FKBP5: variants seen among roughly 807,000 people sequenced by gnomAD.
FKBP5 encodes the protein peptidyl-prolyl cis-trans isomerase FKBP5.
FKBP5 carries 23 observed loss-of-function variants against 50.5 expected under a neutral mutation model. The ratio of observed to expected loss-of-function variants is 0.46; its 90% CI spans 0.33 to 0.65. The LOEUF is 0.65. FKBP5 is among the 30% of genes least tolerant of loss of function. The pLI is 0.02. For synonymous variants in FKBP5, 176 were observed against 190.6 expected (o/e 0.92, Z 0.63); for missense variants, 411 against 553.1 (o/e 0.74, Z 2.58).
intron 5 of FKBP5, among the ~76,000 whole-genome samples, chr6:35,604,629 T>G (rs1359031986): frequency 6.6e-6 from 1 of 152,102 alleles, no homozygotes; most frequent in East Asian, 1.9e-4. Flanking sequence ...TTTGGTACCT[T>G]TTTGATTTTA....
intron 5 of FKBP5, among the ~76,000 whole-genome samples, chr6:35,618,033 G>A (rs1440458523): frequency 6.6e-6 from 1 of 152,150 alleles, no homozygotes; most frequent in Non-Finnish European, 1.5e-5. Context: ...TAATCTTGAT[G>A]ACAGCTGATG....
chr6:35,637,051 A>C lies in FKBP5; in HGVS notation c.213T>G (p.His71Gln), dbSNP rs576977580. Reference protein sequence around the residue: ...LSNGKKFDSSHDRNEPFVFSL... With the variant: ...LSNGKKFDSSQDRNEPFVFSL... ...TAAAGACAAATGGTTCATTTCTATC[A>C]TGACTGGAATCAAACTTCTTTCCAT... Residue 71 changes from histidine to glutamine, a missense_variant, in exon 3 of 11, where the codon CAT (histidine) becomes CAG (glutamine). Around this residue, in one of 3 missense-constraint regions of FKBP5, gnomAD observed 267 missense variants for 405.9 expected, o/e 0.66. Coordinates refer to ENST00000357266, the MANE Select transcript of FKBP5 (RefSeq NM_004117.4). 1 of 1,608,244 alleles carries C rather than the reference A, an allele frequency of 6.2e-7. No individual in the cohort carries two copies. The highest frequency in any genetic ancestry group is 1.7e-5 in the Admixed American group (1 of 57,864).
At chr6:35,630,792 T>C (rs1176871664) in intron 3 of FKBP5, among the ~76,000 whole-genome samples, 2 of 152,120 alleles carry the variant, frequency 1.3e-5, no homozygotes, top group Non-Finnish European at 2.9e-5. Flanking sequence ...CCAAAAATGG[T>C]TAATAACAGT....
intron 1 of FKBP5, among the ~76,000 whole-genome samples, chr6:35,684,393 G>T (rs1765764474): frequency 1.3e-5 from 2 of 151,974 alleles, no homozygotes; most frequent in Non-Finnish European, 2.9e-5. Context: ...TCCCAGGCTG[G>T]TCTCAAATTC....
rs1762375817 is a variant in FKBP5, at chr6:35,580,075, C to G, written c.987G>C (p.Lys329Asn). 6.2e-7 allele frequency: 1 copy of G among 1,614,208 alleles called. No homozygotes were observed. The highest frequency in any genetic ancestry group is 8.5e-7 in the Non-Finnish European group (1 of 1,180,022). ...AFLNLAMCYL[K>N]LREYTKAVEC... The stretch of plus-strand genomic sequence containing the variant: ...CAACAGCTTTGGTGTATTCTCTAAG[C>G]TTCAGGTAGCACATGGCCAGGTTCA... Residue 329 changes from lysine (K) to asparagine (N), a missense_variant, in exon 9 of 11, where the codon AAG becomes AAC. Physicochemically the swap from Lys to Asn is moderately conservative, Grantham distance 94. Transcript: ENST00000357266.
At chr6:35,728,513 TGGGACGCCTCGGA>T (rs1766773360) in exon 1 of FKBP5, 1 of 152,400 alleles carries the variant, frequency 6.6e-6, no homozygotes, top group African/African-American at 2.4e-5. Context: ...CTCACCCCTC[TGGGACGCCTCGGA>T]AGGTCTTGGC....
intron 5 of FKBP5, among the ~76,000 whole-genome samples, chr6:35,612,598 G>T (rs997720680): frequency 6.6e-6 from 1 of 152,220 alleles, no homozygotes; most frequent in South Asian, 2.1e-4. Flanking sequence ...AAGAAAAGAG[G>T]TTTAATTGAC....
At chr6:35,689,725 TAC>T (rs1205225386), upstream of FKBP5, among the ~76,000 whole-genome samples, 1 of 152,008 alleles carries the variant, frequency 6.6e-6, no homozygotes, top group Non-Finnish European at 1.5e-5. Flanking sequence ...CCGTCCCAGC[TAC>T]TCGGGAGGCT....
At chr6:35,725,669 T>C (rs936778677) in intron 1 of FKBP5, among the ~76,000 whole-genome samples, 1 of 151,632 alleles carries the variant, frequency 6.6e-6, no homozygotes. Flanking sequence ...AAGTGGAAGA[T>C]GGGGAGATGA....
At chr6:35,589,565 T>G (rs1201901748) in intron 7 of FKBP5, among the ~76,000 whole-genome samples, 1 of 152,178 alleles carries the variant, frequency 6.6e-6, no homozygotes, top group South Asian at 2.1e-4. Flanking sequence ...AGCACAGGCT[T>G]GCTGTGGCAC....
At chr6:35,662,777 A>G (rs1195357894) in intron 1 of FKBP5, among the ~76,000 whole-genome samples, 1 of 152,154 alleles carries the variant, frequency 6.6e-6, no homozygotes, top group African/African-American at 2.4e-5. Context: ...TAGTTGTTTG[A>G]AAGCCAATAG....
intron 1 of FKBP5, among the ~76,000 whole-genome samples, chr6:35,663,016 G>C (rs930841880): frequency 4.6e-5 from 7 of 152,162 alleles, no homozygotes; most frequent in Non-Finnish European, 7.3e-5. Flanking sequence ...GTCTGAGCTG[G>C]ATAGGCATAC....
intron 1 of FKBP5, among the ~76,000 whole-genome samples, chr6:35,684,366 G>A (rs1326674561): frequency 6.6e-6 from 1 of 151,812 alleles, no homozygotes; most frequent in Non-Finnish European, 1.5e-5. Context: ...TTTGTAGAGA[G>A]GAGGTTTCAC....
chr6:35,690,058 C>G (rs555956435), upstream of FKBP5, among the ~76,000 whole-genome samples: 1 of 152,354 alleles, frequency 6.6e-6, no homozygotes, highest in South Asian at 2.1e-4. Context: ...AACCTAATAT[C>G]CCATAGCCAG....
At chr6:35,639,360 C>T (rs145921372) in intron 2 of FKBP5, among the ~76,000 whole-genome samples, 4 of 152,186 alleles carry the variant, frequency 2.6e-5, no homozygotes, top group African/African-American at 7.2e-5. Context: ...TGGTGAAATC[C>T]GAGGCTCTAG....
intron 1 of FKBP5, among the ~76,000 whole-genome samples, chr6:35,725,118 A>C (rs1348105352): frequency 6.6e-6 from 1 of 152,200 alleles, no homozygotes; most frequent in Non-Finnish European, 1.5e-5. Flanking sequence ...TGATCTCTCA[A>C]TATCTAAGCC....
intron 2 of FKBP5, among the ~76,000 whole-genome samples, chr6:35,701,461 T>C (rs1255203980): frequency 2.0e-5 from 3 of 151,944 alleles, no homozygotes; most frequent in Non-Finnish European, 1.5e-5. Flanking sequence ...GCCGGGATGG[T>C]CTCGATCTCC....
At chr6:35,581,282 T>C (rs1762420695) in intron 8 of FKBP5, 1 of 424,484 alleles carries the variant, frequency 2.4e-6, no homozygotes. Flanking sequence ...ATAATATATA[T>C]ATAATATATA....
chr6:35,647,900 A>G (rs571074335), intron 1 of FKBP5, among the ~76,000 whole-genome samples: 135 of 152,362 alleles, frequency 8.9e-4, no homozygotes, highest in Non-Finnish European at 1.2e-3. Flanking sequence ...CAGAATCTCC[A>G]GAAAAATTTT....
Sources: gnomAD v4.1 joint callset for allele counts (sites outside exome capture counted in the v4.1 genomes callset) on GRCh38, gnomAD v4.1.1 for gene constraint, gnomAD v4.1.1 regional missense constraint, MANE v1.5 for transcripts, NCBI Gene and HGNC (gene_info 2026-07-23, HGNC 2026-07-21) for gene names.